Variants in KIN observed in about 807,000 individuals in gnomAD.
KIN encodes DNA/RNA-binding protein KIN17.
In KIN, 47 loss-of-function variants were observed where a neutral mutation model predicts 63.0. The ratio of observed to expected loss-of-function variants is 0.75; its 90% CI spans 0.59 to 0.95. The LOEUF (loss-of-function observed/expected upper bound fraction) is 0.95, where lower values mean the gene tolerates loss of function less well. Ranked by LOEUF, KIN falls within the 40% of genes least tolerant of loss-of-function variation. KIN has a pLI of 0.00. For synonymous variants in KIN, 160 were observed against 157.7 expected, an observed-to-expected ratio of 1.01 and a Z score of -0.11; for missense variants, 408 against 460.9, an observed-to-expected ratio of 0.89 and a Z score of 1.05.
At chr10:7,787,053 T>C (rs1291778736) in intron 1 of KIN, among the ~76,000 whole-genome samples, 3 of 147,086 alleles carry the variant, frequency 2.0e-5, no homozygotes, top group Admixed American at 6.8e-5. Flanking sequence ...ACCTCTTTAA[T>C]GGGGAAAAGT....
intron 11 of KIN, among the ~76,000 whole-genome samples, chr10:7,762,050 G>T (rs1835445237): frequency 6.6e-6 from 1 of 152,020 alleles, no homozygotes; most frequent in Non-Finnish European, 1.5e-5. Flanking sequence ...TCAATTTTGT[G>T]TTAAGACATG....
intron 7 of KIN, among the ~76,000 whole-genome samples, chr10:7,771,802 G>A (rs1483164817): frequency 2.0e-5 from 3 of 151,614 alleles, no homozygotes; most frequent in South Asian, 2.1e-4. Context: ...GGCCGAGGCA[G>A]GAGAATCGCT....
chr10:7,758,675 CAAAA>C (rs34194283), intron 12 of KIN, among the ~76,000 whole-genome samples: 12 of 126,360 alleles, frequency 9.5e-5, no homozygotes, highest in Admixed American at 1.6e-4. Flanking sequence ...ATGGTCCATG[CAAAA>C]AAAAAAAAAA....
intron 12 of KIN, among the ~76,000 whole-genome samples, chr10:7,758,010 ATT>A (rs34809948): frequency 0.015 from 2,075 of 138,866 alleles, 41 homozygotes; most frequent in African/African-American, 0.052. Context: ...ATATACAGAG[ATT>A]TTTTTTTTTT....
At chr10:7,756,210 A>G (rs1835330382) in intron 12 of KIN, 68 bp from the exon 13 acceptor site, 2 of 845,834 alleles carry the variant, frequency 2.4e-6, no homozygotes, top group Non-Finnish European at 3.6e-6. Flanking sequence ...AAATGACACC[A>G]TACTTATGGA....
At chr10:7,759,492 C>A (rs1835396889) in intron 12 of KIN, among the ~76,000 whole-genome samples, 1 of 151,912 alleles carries the variant, frequency 6.6e-6, no homozygotes. Flanking sequence ...CTTTACTATG[C>A]CAAATTGAGT....
In KIN at chr10:7,779,783, G is replaced by C. The variant is rs138432207; in HGVS notation, c.376+273C>G. On this transcript the variant is annotated intron_variant, in intron 4 of 12. Coordinates refer to ENST00000379562, the MANE Select transcript of KIN (RefSeq NM_012311.4). ...ATCTGTGAATTTTGGTTATCAGCAA[G>C]GGGTCCTGGACCCAATCCCCCACGG... Among the ~76,000 whole-genome samples, 625 of 152,266 alleles carry C rather than the reference G, an allele frequency of 4.1e-3. 4 individuals are homozygous for C. The highest frequency in any genetic ancestry group is 0.013 in the African/African-American group (527 of 41,544).
intron 8 of KIN, chr10:7,766,456 A>G (rs996603545): frequency 4.5e-6 from 1 of 221,182 alleles, no homozygotes; most frequent in Non-Finnish European, 8.9e-6. Flanking sequence ...CATGCAGTAA[A>G]ATCATAACAC....
chr10:7,785,755 A>G (rs1416562965), intron 1 of KIN, among the ~76,000 whole-genome samples: 2 of 151,592 alleles, frequency 1.3e-5, no homozygotes, highest in Non-Finnish European at 2.9e-5. Flanking sequence ...CAAAGGTTGC[A>G]GTGAGCTGAG....
At chr10:7,760,409 C>A (rs1404166987) in intron 11 of KIN, among the ~76,000 whole-genome samples, 1 of 151,940 alleles carries the variant, frequency 6.6e-6, no homozygotes, top group Non-Finnish European at 1.5e-5. Context: ...ATGTATTTAC[C>A]CAAGAAAAAA....
At position 7,775,028 on chromosome 10, in the gene KIN, G is replaced by A. The variant is rs532635574; in HGVS notation, c.608-137C>T. On this transcript the variant is annotated intron_variant, in intron 6 of 12. Transcript: ENST00000379562. Reference sequence around the variant, plus strand: ...AACGAGAGCTAAAATGTTCCTATACGGAGACCACACATTCCTGTAAAACGT... The same window carrying A: ...AACGAGAGCTAAAATGTTCCTATACAGAGACCACACATTCCTGTAAAACGT... 9.0e-4 allele frequency: 581 copies of A among 645,330 alleles called. 1 individual carries two copies. Among genetic ancestry groups the A allele is most frequent in the African/African-American group, 6.9e-3 (380 of 55,048 alleles). The allele number at this position is 645,330 out of a possible 1,614,324, so 40.0% of individuals were successfully genotyped here.
intron 4 of KIN, 33 bp from the exon 5 acceptor site, chr10:7,779,052 T>C (rs1345664620): frequency 6.3e-7 from 1 of 1,593,348 alleles, no homozygotes; most frequent in African/African-American, 1.4e-5. Context: ...TAAATTAGCA[T>C]ACAATCAAAG....
chr10:7,768,192 T>C (rs1192926421), intron 8 of KIN, among the ~76,000 whole-genome samples: 4 of 152,156 alleles, frequency 2.6e-5, no homozygotes, highest in African/African-American at 9.7e-5. Context: ...ATTTTTCACA[T>C]AGACTTAGCC....
chr10:7,768,001 T>C (rs750697022), intron 8 of KIN, among the ~76,000 whole-genome samples: 2 of 152,206 alleles, frequency 1.3e-5, no homozygotes, highest in Non-Finnish European at 2.9e-5. Flanking sequence ...CTTTCTCCTC[T>C]ATCCTGCCTC....
In KIN at chr10:7,784,590, AC is replaced by A. The variant is rs764791238; in HGVS notation, c.115-1416del. On this transcript the variant is annotated intron_variant, in intron 1 of 12. Coordinates refer to ENST00000379562, the MANE Select transcript of KIN (RefSeq NM_012311.4). ...GCAAGAGTAAGACCCTGTCTCAAAA[AC>A]AAAAAAAAATAAGTTTAAGGATAAC... 1.1e-3 allele frequency among the ~76,000 whole-genome samples: 172 copies of A among 152,262 alleles called. 1 individual carries two copies. Among genetic ancestry groups the A allele is most frequent in the East Asian group, 6.9e-3 (36 of 5,182 alleles).
At position 7,755,463 on chromosome 10, in the gene KIN, G is replaced by A. The variant is rs1187713969; in HGVS notation, c.*617C>T. On this transcript the variant is annotated 3_prime_UTR_variant, in exon 13 of 13. Transcript: ENST00000379562. ...AAGGGCAAATCCATAGAGACAGAAA[G>A]TACATTAGTGGCTGTCTAGGGCTAG... 6.6e-6 allele frequency: 1 copy of A among 152,186 alleles called. No homozygotes were observed. Among genetic ancestry groups the A allele is most frequent in the Non-Finnish European group, 1.5e-5 (1 of 68,032 alleles). 9.4% of individuals were successfully genotyped at this position (152,186 alleles called of 1,614,324 possible).
At chr10:7,766,019 T>C (rs1835536149) in intron 9 of KIN, 34 bp downstream of exon 9, 1 of 1,532,686 alleles carries the variant, frequency 6.5e-7, no homozygotes, top group Non-Finnish European at 8.9e-7. Flanking sequence ...TAAACATACA[T>C]TTAGAACTTA....
At chr10:7,770,088 G>A (rs1322373481) in intron 7 of KIN, among the ~76,000 whole-genome samples, 1 of 152,064 alleles carries the variant, frequency 6.6e-6, no homozygotes, top group African/African-American at 2.4e-5. Context: ...CCACCACCAC[G>A]CTGGGCTAAT....
At chr10:7,767,444 G>A (rs1453494804) in intron 8 of KIN, among the ~76,000 whole-genome samples, 5 of 152,106 alleles carry the variant, frequency 3.3e-5, no homozygotes, top group African/African-American at 7.2e-5. Context: ...ATACAGACCC[G>A]GGGGCTTGCA....
Sources: allele counts gnomAD v4.1 joint callset (sites outside exome capture counted in the v4.1 genomes callset), GRCh38; gene constraint gnomAD v4.1.1; transcripts MANE v1.5; gene names NCBI Gene and HGNC (gene_info 2026-07-23, HGNC 2026-07-21).